HTT: variants seen among roughly 807,000 people sequenced by gnomAD.
HTT encodes the protein huntingtin.
Under a neutral mutation model 362.3 loss-of-function variants are expected in HTT, and 104 were observed. That is an observed-to-expected ratio of 0.29 (90% CI 0.24 to 0.34). HTT has a LOEUF of 0.34. HTT is among the 10% of genes least tolerant of loss of function. HTT has a pLI of 1.00. For synonymous variants in HTT, 1,577 were observed against 1,548.7 expected, an observed-to-expected ratio of 1.02 and a Z score of -0.43; for missense variants, 3,301 against 3,928.6, an observed-to-expected ratio of 0.84 and a Z score of 4.27.
At chr4:3,198,131 A>G (rs1284625265) in intron 40 of HTT, among the ~76,000 whole-genome samples, 2 of 147,476 alleles carry the variant, frequency 1.4e-5, no homozygotes, top group African/African-American at 2.5e-5. Flanking sequence ...GTCTCAGGTT[A>G]TAGTTTAAGG....
chr4:3,182,442 T>C lies in HTT; in HGVS notation c.4838T>C (p.Ile1613Thr), dbSNP rs1279526689. ...CGACTGTCTCGACAGATAGCTGACA[T>C]CATCCTCCCAATGTTAGCCAAACAG... ...WKRLSRQIAD[I>T]ILPMLAKQQM... is the part of the protein sequence containing the mutation. The change falls in exon 37 of 67, where the codon ATC becomes ACC. Residue 1613 changes from isoleucine (I) to threonine (T), a missense_variant. Transcript: ENST00000355072. 1 of 1,613,684 alleles carries C rather than the reference T, an allele frequency of 6.2e-7. No individual in the cohort carries two copies. Among genetic ancestry groups the C allele is most frequent in the South Asian group, 1.1e-5 (1 of 91,068 alleles).
intron 36 of HTT, 164 bp downstream of exon 36, chr4:3,180,815 C>G (rs1034161637): frequency 5.5e-4 from 1 of 1,802 alleles, no homozygotes; most frequent in Middle Eastern, 0.1. Flanking sequence ...GGGAGGGAGG[C>G]GGGGGGTGGG....
chr4:3,074,824 C>T lies in HTT; in HGVS notation c.-2C>T, dbSNP rs865800120. ...GACTGCCGTGCCGGGCGGGAGACCG[C>T]CATGGCGACCCTGGAAAAGCTGATG... On this transcript the variant is annotated 5_prime_UTR_variant, in exon 1 of 67. Coordinates refer to ENST00000355072, the MANE Select transcript of HTT (RefSeq NM_001388492.1). The T allele has an allele frequency of 2.6e-6, 4 of 1,513,720 alleles. No homozygotes were observed. The Middle Eastern group carries it at 6.8e-4, about 256-fold the overall frequency. 93.8% of individuals were successfully genotyped at this position (1,513,720 alleles called of 1,614,324 possible).
chr4:3,094,961 A>G (rs1713763461), intron 2 of HTT, among the ~76,000 whole-genome samples: 2 of 150,708 alleles, frequency 1.3e-5, no homozygotes, highest in Non-Finnish European at 3.0e-5. Context: ...CCCACTTCCC[A>G]GACGATGGGC....
intron 27 of HTT, among the ~76,000 whole-genome samples, chr4:3,155,300 C>T (rs1238179634): frequency 6.6e-6 from 1 of 151,790 alleles, no homozygotes; most frequent in Non-Finnish European, 1.5e-5. Flanking sequence ...CGGCTCAGTG[C>T]AAGCTCTGCC....
At chr4:3,092,258 A>C (rs1410424466) in intron 2 of HTT, among the ~76,000 whole-genome samples, 3 of 152,132 alleles carry the variant, frequency 2.0e-5, no homozygotes, top group African/African-American at 4.8e-5. Context: ...TCCTGACCTC[A>C]TGATCCGCGC....
intron 1 of HTT, among the ~76,000 whole-genome samples, chr4:3,081,550 CTTTTTTTT>C (rs770325842): frequency 4.7e-5 from 4 of 84,526 alleles, no homozygotes; most frequent in Non-Finnish European, 7.0e-5. Context: ...GAAAGCATTT[CTTTTTTTT>C]TTTTTTTTTT....
chr4:3,172,127 T>C (rs1282255800), intron 29 of HTT, among the ~76,000 whole-genome samples, 193 bp from the exon 30 acceptor site: 1 of 152,234 alleles, frequency 6.6e-6, no homozygotes, highest in Non-Finnish European at 1.5e-5. Context: ...AGAATGGTTG[T>C]AATGTATATA....
At chr4:3,150,551 C>T (rs754184637) in intron 26 of HTT, among the ~76,000 whole-genome samples, 3 of 152,166 alleles carry the variant, frequency 2.0e-5, no homozygotes, top group African/African-American at 4.8e-5. Context: ...CACATCTGCC[C>T]CTGCCCCATT....
At chr4:3,212,279 A>C in intron 48 of HTT, 137 bp downstream of exon 48, 2 of 748,874 alleles carry the variant, frequency 2.7e-6, no homozygotes, top group Non-Finnish European at 4.2e-6. Flanking sequence ...AAAGAGCAGC[A>C]CGGGTGTCCT....
At chr4:3,235,198 A>G (rs1721464275) in intron 61 of HTT, 86 bp from the exon 62 acceptor site, 3 of 984,180 alleles carry the variant, frequency 3.0e-6, no homozygotes, top group Admixed American at 3.5e-5. Context: ...ATAGCTCTAC[A>G]CTCCCGCGTG....
At chr4:3,176,486 G>A (rs907896956) in intron 33 of HTT, among the ~76,000 whole-genome samples, 1 of 152,104 alleles carries the variant, frequency 6.6e-6, no homozygotes, top group Non-Finnish European at 1.5e-5. Flanking sequence ...CCTTTCCTTT[G>A]ACACTAGGAG....
chr4:3,235,193 T>A (rs1721464002), intron 61 of HTT, 91 bp from the exon 62 acceptor site: 1 of 950,088 alleles, frequency 1.1e-6, no homozygotes, highest in South Asian at 1.4e-5. Context: ...GGCCCATAGC[T>A]CTACACTCCC....
intron 1 of HTT, among the ~76,000 whole-genome samples, chr4:3,086,443 G>A (rs566051525): frequency 6.6e-6 from 1 of 152,250 alleles, no homozygotes; most frequent in East Asian, 1.9e-4. Context: ...GGCCAAGATG[G>A]GAAGATCGCT....
In HTT at chr4:3,236,159, A is replaced by G; in HGVS notation, c.8796A>G (p.Lys2932=). Residue 2932 remains lysine (K), a synonymous_variant, in exon 64 of 67, where the codon AAA becomes AAG. Transcript: ENST00000355072. ...ACACTTTTGTTACAGGAAAGGAGAA[A>G]GTCAGTCCGGGTAGAACTTCAGACC... ...MLTCMYTGKE[K]VSPGRTSDPN... is the part of the protein sequence containing the mutation. 1 of 1,613,642 alleles carries G rather than the reference A, an allele frequency of 6.2e-7. No homozygotes were observed. The highest frequency in any genetic ancestry group is 8.5e-7 in the Non-Finnish European group (1 of 1,179,486).
At chr4:3,077,186 T>A (rs894863427) in intron 1 of HTT, among the ~76,000 whole-genome samples, 14 of 151,854 alleles carry the variant, frequency 9.2e-5, no homozygotes, top group South Asian at 6.3e-4. Context: ...TCAAAAAAAA[T>A]TTTTTTTAAT....
At chr4:3,131,842 G>A in intron 16 of HTT, 67 bp downstream of exon 16, 1 of 1,481,602 alleles carries the variant, frequency 6.7e-7, no homozygotes, top group Non-Finnish European at 9.3e-7. Flanking sequence ...TTTCAGTATT[G>A]ACTATTTTAG....
intron 32 of HTT, 46 bp from the exon 33 acceptor site, chr4:3,174,900 G>T: frequency 6.4e-7 from 1 of 1,551,682 alleles, no homozygotes; most frequent in East Asian, 2.3e-5. Flanking sequence ...GCTTTTAGTT[G>T]AAGGCTTACT....
At chr4:3,239,027 C>A in intron 66 of HTT, 49 bp downstream of exon 66, 2 of 1,536,282 alleles carry the variant, frequency 1.3e-6, no homozygotes, top group East Asian at 2.3e-5. Flanking sequence ...TTGTCAACAC[C>A]GAGGCTCATG....
Sources: gnomAD v4.1 joint callset for allele counts (sites outside exome capture counted in the v4.1 genomes callset) on GRCh38, gnomAD v4.1.1 for gene constraint, MANE v1.5 for transcripts, NCBI Gene and HGNC (gene_info 2026-07-23, HGNC 2026-07-21) for gene names.